SNX24: variants seen among roughly 807,000 people sequenced by gnomAD.
SNX24 encodes the protein sorting nexin 24, also known as sorting nexin-24.
In SNX24, 22 loss-of-function variants were observed where a neutral mutation model predicts 28.7. That is an observed-to-expected ratio of 0.77 (90% CI 0.55 to 1.10). SNX24 has a LOEUF of 1.10. Among genes scored for constraint, SNX24 ranks in the 50% least tolerant of loss-of-function variants. The pLI, the probability that SNX24 is intolerant of heterozygous loss-of-function variation, is 0.00. For missense variants in SNX24, 221 were observed against 201.1 expected (o/e 1.10, Z -0.60); for synonymous variants, 69 against 71.5 (o/e 0.96, Z 0.18).
chr5:122,853,001 G>T (rs1754991340), intron 1 of SNX24, among the ~76,000 whole-genome samples: 3 of 151,126 alleles, frequency 2.0e-5, no homozygotes, highest in East Asian at 3.9e-4. Context: ...AGGCCATTGT[G>T]TAACAAGGAC....
At position 122,871,597 on chromosome 5, in the gene SNX24, C is replaced by T. The variant is rs555163192; in HGVS notation, c.60+25904C>T. 4.1e-4 allele frequency among the ~76,000 whole-genome samples: 63 copies of T among 152,114 alleles called. No homozygotes were observed. In the South Asian group the frequency reaches 0.011, roughly 26 times the overall value. On this transcript the variant is annotated intron_variant, in intron 1 of 6. Transcript: ENST00000261369. ...AGCCTGGCTAACATGGTGAAACCCCCGTCTCTACTAAAAATACAAAAAATT... is the reference window on the plus strand; with the variant it reads ...AGCCTGGCTAACATGGTGAAACCCCTGTCTCTACTAAAAATACAAAAAATT...
chr5:122,973,757 G>A (rs971275073), intron 3 of SNX24, among the ~76,000 whole-genome samples: 8 of 152,174 alleles, frequency 5.3e-5, no homozygotes, highest in South Asian at 4.1e-4. Context: ...ATAGTCAAGC[G>A]TTCAGTTTCT....
chr5:122,969,597 C>T (rs568842179), intron 3 of SNX24, among the ~76,000 whole-genome samples: 3 of 152,100 alleles, frequency 2.0e-5, no homozygotes, highest in African/African-American at 4.8e-5. Context: ...AACTGATACA[C>T]AAATAAATTG....
intron 1 of SNX24, among the ~76,000 whole-genome samples, chr5:122,921,552 AG>A (rs1417219340): frequency 6.6e-6 from 1 of 152,180 alleles, no homozygotes; most frequent in African/African-American, 2.4e-5. Context: ...ATGGAGAGAA[AG>A]AAAAAAAATT....
At chr5:123,009,808 A>C (rs1277228597), downstream of SNX24, among the ~76,000 whole-genome samples, 1 of 152,220 alleles carries the variant, frequency 6.6e-6, no homozygotes, top group Non-Finnish European at 1.5e-5. Flanking sequence ...CCAAGAACAA[A>C]TTCCAGAATG....
At chr5:122,980,700 T>G (rs530768840) in intron 3 of SNX24, among the ~76,000 whole-genome samples, 11 of 150,654 alleles carry the variant, frequency 7.3e-5, no homozygotes, top group African/African-American at 2.7e-4. Context: ...CTAATTTACT[T>G]ACTCTGTGCC....
At chr5:122,956,585 T>C (rs770621638) in intron 3 of SNX24, among the ~76,000 whole-genome samples, 1 of 152,188 alleles carries the variant, frequency 6.6e-6, no homozygotes, top group Non-Finnish European at 1.5e-5. Context: ...TGTAATTCCA[T>C]TCTTAATTTT....
intron 1 of SNX24, among the ~76,000 whole-genome samples, chr5:122,907,970 T>C (rs563075885): frequency 1.3e-3 from 191 of 152,252 alleles, no homozygotes; most frequent in African/African-American, 4.5e-3. Flanking sequence ...TCTTCTGGTA[T>C]ATTTGTCAGG....
chr5:122,945,154 CT>C (rs1344052477), intron 2 of SNX24, among the ~76,000 whole-genome samples: 3 of 152,136 alleles, frequency 2.0e-5, no homozygotes, highest in African/African-American at 7.2e-5. Flanking sequence ...GTCACCTTGG[CT>C]CGTGGCCTCT....
chr5:122,893,875 C>T (rs1757088463), intron 1 of SNX24, among the ~76,000 whole-genome samples: 1 of 152,048 alleles, frequency 6.6e-6, no homozygotes, highest in African/African-American at 2.4e-5. Context: ...GAAACCCTGT[C>T]TCTACTAAAA....
intron 1 of SNX24, among the ~76,000 whole-genome samples, chr5:122,893,072 C>A (rs1277117552): frequency 1.3e-5 from 2 of 152,050 alleles, no homozygotes; most frequent in South Asian, 4.2e-4. Flanking sequence ...GGCCCCGTTT[C>A]CTCTAAATTT....
intron 1 of SNX24, among the ~76,000 whole-genome samples, chr5:122,934,940 A>T (rs1316664586): frequency 6.6e-6 from 1 of 151,914 alleles, no homozygotes. Context: ...TCAGTAGAAG[A>T]GATGACATTC....
intron 3 of SNX24, among the ~76,000 whole-genome samples, chr5:122,968,216 G>A (rs1037685393): frequency 6.6e-6 from 1 of 152,136 alleles, no homozygotes; most frequent in Non-Finnish European, 1.5e-5. Flanking sequence ...GTGGTGGCAT[G>A]CACGCCTATA....
At chr5:123,006,358 C>G (rs1441551669) in intron 6 of SNX24, among the ~76,000 whole-genome samples, 5 of 152,220 alleles carry the variant, frequency 3.3e-5, no homozygotes. Context: ...CTAGCCACAT[C>G]TAACCTGTCA....
At chr5:122,869,441 A>G (rs1755879065) in intron 1 of SNX24, among the ~76,000 whole-genome samples, 2 of 152,218 alleles carry the variant, frequency 1.3e-5, no homozygotes, top group African/African-American at 4.8e-5. Flanking sequence ...TTTGATTTAT[A>G]TTGACCAAAA....
chr5:123,007,849 C>G lies in SNX24; in HGVS notation c.*100C>G. 6.5e-7 allele frequency: 1 copy of G among 1,529,190 alleles called. No homozygotes were observed. The highest frequency in any genetic ancestry group is 8.7e-7 in the Non-Finnish European group (1 of 1,143,230). The allele number at this position is 1,529,190 out of a possible 1,614,324, so 94.7% of individuals were successfully genotyped here. A position where few individuals can be genotyped will look rare whatever the true frequency, so the allele number is the denominator to read the frequency against. ...ACCTAAACGCTATGATATATAACAG[C>G]TCTAGCTAGTGGTAAAGTGCACAGT... On this transcript the variant is annotated 3_prime_UTR_variant, in exon 7 of 7. Coordinates refer to ENST00000261369, the MANE Select transcript of SNX24 (RefSeq NM_014035.4).
intron 1 of SNX24, chr5:122,890,913 ATT>A: frequency 9.4e-7 from 1 of 1,066,996 alleles, no homozygotes. Context: ...GGAATTGTTA[ATT>A]AAAATTTTTA....
At chr5:122,851,100 A>G (rs1347421222) in intron 1 of SNX24, among the ~76,000 whole-genome samples, 1 of 152,234 alleles carries the variant, frequency 6.6e-6, no homozygotes, top group Non-Finnish European at 1.5e-5. Flanking sequence ...CAAAAATAAC[A>G]AAACTAGAAT....
At chr5:122,870,137 C>T (rs980173540) in intron 1 of SNX24, among the ~76,000 whole-genome samples, 1 of 152,158 alleles carries the variant, frequency 6.6e-6, no homozygotes. Flanking sequence ...TGTTTTTCAT[C>T]TAGGCCTCAT....
Sources: allele counts gnomAD v4.1 joint callset (sites outside exome capture counted in the v4.1 genomes callset), GRCh38; gene constraint gnomAD v4.1.1; transcripts MANE v1.5; gene names NCBI Gene and HGNC (gene_info 2026-07-23, HGNC 2026-07-21).